The following KDM4B variants were observed in gnomAD, a reference collection of about 807,000 sequenced individuals.
KDM4B encodes lysine demethylase 4B.
KDM4B carries 32 observed loss-of-function variants against 125.2 expected under a neutral mutation model. The ratio of observed to expected loss-of-function variants is 0.26; its 90% confidence interval spans 0.19 to 0.34. The LOEUF is 0.34. KDM4B is among the 10% of genes least tolerant of loss of function. The pLI is 1.00. For missense variants in KDM4B, 1,190 were observed against 1,577.7 expected (o/e 0.75, Z 4.16); for synonymous variants, 721 against 677.9 (o/e 1.06, Z -0.99).
chr19:5,027,303 G>A (rs890468521), intron 2 of KDM4B, among the ~76,000 whole-genome samples: 2 of 152,212 alleles, frequency 1.3e-5, no homozygotes, highest in Admixed American at 6.5e-5. Flanking sequence ...CTCTGTGACC[G>A]TGAAGCCCAC....
chr19:5,026,950 C>T (rs963155784), intron 2 of KDM4B, among the ~76,000 whole-genome samples: 18 of 152,180 alleles, frequency 1.2e-4, no homozygotes, highest in African/African-American at 3.9e-4. Flanking sequence ...GAGCAGGGCC[C>T]GAGGGTCCCA....
chr19:5,119,718 G>T lies in KDM4B; in HGVS notation c.1181G>T (p.Gly394Val), dbSNP rs1413222895. 1.9e-6 allele frequency: 3 copies of T among 1,552,580 alleles called. No individual in the cohort carries two copies. In the Admixed American group the frequency reaches 5.8e-5, roughly 30 times the overall value. Residue 394 changes from glycine (G) to valine (V), a missense_variant, in exon 11 of 23, where the codon GGT (glycine) becomes GTT (valine). Around this residue, in one of 7 missense-constraint regions of KDM4B, gnomAD observed 428 missense variants for 405.1 expected, o/e 1.06. Transcript: ENST00000159111. ...GAAGACCCCAAGTTCCCTGGGGAGG[G>T]TACGGCTGGGGCAGCGCTCCTAGAG... Reference protein sequence around the residue: ...KPEDPKFPGEGTAGAALLEEA... With the variant: ...KPEDPKFPGEVTAGAALLEEA...
intron 1 of KDM4B, among the ~76,000 whole-genome samples, chr19:4,974,543 A>T (rs1475530889): frequency 6.6e-6 from 1 of 151,748 alleles, no homozygotes; most frequent in Non-Finnish European, 1.5e-5. Flanking sequence ...GTTTGAGACC[A>T]GCCTGGCCAA....
chr19:5,129,074 T>C (rs1303479513), intron 11 of KDM4B, among the ~76,000 whole-genome samples: 1 of 152,178 alleles, frequency 6.6e-6, no homozygotes, highest in East Asian at 1.9e-4. Flanking sequence ...CTTCACCTTA[T>C]GGCTGCTCGC....
At position 5,053,120 on chromosome 19, in the gene KDM4B, G is replaced by C. The variant is rs28457760; in HGVS notation, c.626+5451G>C. Among the ~76,000 whole-genome samples, 1,290 of 152,346 alleles carry C rather than the reference G, an allele frequency of 8.5e-3. 26 individuals carry two copies. Among genetic ancestry groups the C allele is most frequent in the African/African-American group, 0.029 (1,221 of 41,592 alleles). On this transcript the variant is annotated intron_variant, in intron 6 of 22. Coordinates refer to ENST00000159111, the MANE Select transcript of KDM4B (RefSeq NM_015015.3). The stretch of plus-strand genomic sequence containing the variant: ...TGGAGCCTGACAGCTTCACAGATTG[G>C]TTTTAATAACTCAGCTTCCCCACAC...
chr19:5,086,377 C>T (rs190576763), intron 9 of KDM4B, among the ~76,000 whole-genome samples: 7 of 152,254 alleles, frequency 4.6e-5, no homozygotes, highest in East Asian at 1.9e-4. Flanking sequence ...AGGGGGTTTA[C>T]GTCTTCACAG....
At chr19:5,069,546 G>A (rs545143739) in intron 6 of KDM4B, among the ~76,000 whole-genome samples, 1 of 151,998 alleles carries the variant, frequency 6.6e-6, no homozygotes, top group Non-Finnish European at 1.5e-5. Flanking sequence ...CTGACCTCGT[G>A]ATCCACCCGC....
At chr19:5,086,137 T>G (rs1182759728) in intron 9 of KDM4B, among the ~76,000 whole-genome samples, 1 of 152,100 alleles carries the variant, frequency 6.6e-6, no homozygotes, top group African/African-American at 2.4e-5. Context: ...CTCGATTTGC[T>G]TAGAGACATT....
chr19:5,053,716 T>C (rs909761112), intron 6 of KDM4B, among the ~76,000 whole-genome samples: 3 of 152,236 alleles, frequency 2.0e-5, no homozygotes, highest in African/African-American at 7.2e-5. Flanking sequence ...AACCTCTTTT[T>C]GAGAGAAGAC....
chr19:5,090,230 T>C (rs966578972), intron 9 of KDM4B, among the ~76,000 whole-genome samples: 2 of 151,914 alleles, frequency 1.3e-5, no homozygotes, highest in African/African-American at 4.8e-5. Flanking sequence ...CAGGCTTGCC[T>C]CCCTAGCCAC....
chr19:4,996,993 C>T (rs1454320159), intron 1 of KDM4B, among the ~76,000 whole-genome samples: 4 of 151,892 alleles, frequency 2.6e-5, no homozygotes, highest in Non-Finnish European at 4.4e-5. Flanking sequence ...CCAGTGTTCC[C>T]TGTGGGCACA....
chr19:5,075,866 C>G (rs1437666904), intron 7 of KDM4B: 6 of 152,630 alleles, frequency 3.9e-5, no homozygotes, highest in Admixed American at 3.9e-4. Context: ...CCTCGATTTC[C>G]TCACCTGTGC....
intron 6 of KDM4B, among the ~76,000 whole-genome samples, chr19:5,068,570 C>T (rs542375455): frequency 6.6e-6 from 1 of 152,354 alleles, no homozygotes; most frequent in Admixed American, 6.5e-5. Context: ...GGTTTTTCTT[C>T]CGCCTGTGTC....
At chr19:5,021,469 C>T (rs2036117223) in intron 2 of KDM4B, among the ~76,000 whole-genome samples, 1 of 152,024 alleles carries the variant, frequency 6.6e-6, no homozygotes, top group Non-Finnish European at 1.5e-5. Context: ...GTGGCATGTA[C>T]CTGTGGGGCG....
intron 3 of KDM4B, among the ~76,000 whole-genome samples, chr19:5,039,509 A>AAC (rs1481070776): frequency 6.6e-6 from 1 of 152,170 alleles, no homozygotes; most frequent in Non-Finnish European, 1.5e-5. Context: ...AAGATGCCAG[A>AAC]ACACACACAC....
At chr19:4,995,811 A>G (rs759766662) in intron 1 of KDM4B, among the ~76,000 whole-genome samples, 21 of 152,080 alleles carry the variant, frequency 1.4e-4, no homozygotes, top group Admixed American at 2.6e-4. Context: ...TTGGCGTGTG[A>G]ACTACAAATG....
At position 5,110,741 on chromosome 19, in the gene KDM4B, G is replaced by A. The variant is rs755699377; in HGVS notation, c.1038G>A (p.Arg346=). Residue 346 remains arginine, a synonymous_variant, in exon 10 of 23, where the codon CGG becomes CGA. Transcript: ENST00000159111. Reference sequence around the variant, plus strand: ...ACCTCACGGTGCTGGACCACACGCGGCCCACGGCGCTCACCAGCCCCGAGC... The same window carrying A: ...ACCTCACGGTGCTGGACCACACGCGACCCACGGCGCTCACCAGCCCCGAGC... ...GKDLTVLDHT[R]PTALTSPELS... 2 of 1,611,728 alleles carry A rather than the reference G, an allele frequency of 1.2e-6. No homozygotes were observed. Among genetic ancestry groups the A allele is most frequent in the Middle Eastern group, 1.7e-4 (1 of 6,048 alleles).
At chr19:5,131,704 C>T (rs1193921124) in intron 12 of KDM4B, among the ~76,000 whole-genome samples, 159 bp downstream of exon 12, 1 of 64,234 alleles carries the variant, frequency 1.6e-5, no homozygotes, top group Non-Finnish European at 3.3e-5. Context: ...TGTGGCTCTT[C>T]TCACAGGGTA....
chr19:5,007,532 TTCTC>T (rs1199526908), intron 1 of KDM4B, among the ~76,000 whole-genome samples: 4 of 145,004 alleles, frequency 2.8e-5, no homozygotes, highest in East Asian at 2.1e-4. Context: ...TCTTTTCACT[TTCTC>T]TCTCTCTTTT....
Sources: gnomAD v4.1 joint callset for allele counts (sites outside exome capture counted in the v4.1 genomes callset) on GRCh38, gnomAD v4.1.1 for gene constraint, gnomAD v4.1.1 regional missense constraint, MANE v1.5 for transcripts, NCBI Gene and HGNC (gene_info 2026-07-23, HGNC 2026-07-21) for gene names.